The following ACCSL variants were observed in gnomAD, a reference collection of about 807,000 sequenced individuals.
ACCSL encodes 1-aminocyclopropane-1-carboxylate synthase homolog (inactive) like.
ACCSL carries 55 observed loss-of-function variants against 61.7 expected under a neutral mutation model. The observed-to-expected ratio is 0.89, with a 90% CI of 0.72 to 1.12. The LOEUF is 1.12. Among genes scored for constraint, ACCSL ranks in the 50% most tolerant of loss-of-function variants. The pLI is 0.00. For missense variants in ACCSL, 632 were observed against 698.0 expected, an observed-to-expected ratio of 0.91 and a Z score of 1.07; for synonymous variants, 258 against 264.3, an observed-to-expected ratio of 0.98 and a Z score of 0.23.
At chr11:44,056,451 A>G in intron 11 of ACCSL, 125 bp downstream of exon 11, 1 of 1,301,410 alleles carries the variant, frequency 7.7e-7, no homozygotes, top group Non-Finnish European at 1.0e-6. Flanking sequence ...CTCAGATTTA[A>G]CTGTGGTAAG....
At chr11:43,936,670 C>T in the ACCSL span, among the ~76,000 whole-genome samples, 20 of 152,164 alleles carry the variant, frequency 1.3e-4, no homozygotes, top group Non-Finnish European at 1.5e-5. Flanking sequence ...GAATCTAGGT[C>T]TGTGTTCTCC....
the ACCSL span, chr11:43,943,338 C>T: frequency 1.4e-6 from 2 of 1,409,484 alleles, no homozygotes; most frequent in South Asian, 1.6e-5. The surrounding 1 kb of genome is among the most constrained non-coding windows in gnomAD (Gnocchi z 4.8). Flanking sequence ...GTGTGAACCC[C>T]GAGAGTGCCC....
chr11:43,964,436 CAAAA>C, the ACCSL span, among the ~76,000 whole-genome samples: 4 of 77,170 alleles, frequency 5.2e-5, no homozygotes, highest in Non-Finnish European at 8.7e-5. Flanking sequence ...GACATTGTCT[CAAAA>C]AAAAAAAAAA....
the ACCSL span, among the ~76,000 whole-genome samples, chr11:43,947,449 A>G: frequency 6.6e-6 from 1 of 152,170 alleles, no homozygotes; most frequent in African/African-American, 2.4e-5. Context: ...CCAAGGTGGC[A>G]CGCAGCTCCA....
At chr11:43,980,427 C>G in the ACCSL span, among the ~76,000 whole-genome samples, 1 of 152,178 alleles carries the variant, frequency 6.6e-6, no homozygotes, top group African/African-American at 2.4e-5. Flanking sequence ...ATCACAGGAT[C>G]TTATCAGTCT....
At chr11:43,981,481 T>C in the ACCSL span, among the ~76,000 whole-genome samples, 25,074 of 152,184 alleles carry the variant, frequency 0.16, 2,273 homozygotes, top group African/African-American at 0.21. Context: ...AGTTTATCTT[T>C]TAAAAAAAGG....
the ACCSL span, among the ~76,000 whole-genome samples, chr11:44,008,945 T>C: frequency 7.8e-4 from 119 of 152,288 alleles, no homozygotes; most frequent in African/African-American, 2.5e-3. Context: ...GGTGTGCAGA[T>C]CATCTGAGGC....
At chr11:43,933,117 G>A in the ACCSL span, 1 of 456,260 alleles carries the variant, frequency 2.2e-6, no homozygotes, top group South Asian at 1.5e-5. Flanking sequence ...TTCCAAGGGA[G>A]AGACTTATAC....
At chr11:43,927,017 G>C in the ACCSL span, among the ~76,000 whole-genome samples, 46 of 152,310 alleles carry the variant, frequency 3.0e-4, no homozygotes, top group African/African-American at 1.1e-3. Flanking sequence ...CAGAGTGCTG[G>C]GACTACAGGC....
chr11:43,942,401 C>A, the ACCSL span: 1 of 207,442 alleles, frequency 4.8e-6, no homozygotes. Context: ...CAGCCGCGTG[C>A]TCCGGGGCCG....
chr11:44,042,572 C>G, the ACCSL span, among the ~76,000 whole-genome samples: 4 of 151,876 alleles, frequency 2.6e-5, no homozygotes, highest in African/African-American at 9.7e-5. Flanking sequence ...CTTGCCTCAG[C>G]CTCCCAAATG....
the ACCSL span, among the ~76,000 whole-genome samples, chr11:44,015,176 C>T: frequency 4.6e-5 from 7 of 152,320 alleles, no homozygotes; most frequent in South Asian, 1.4e-3. Context: ...TGACTACATA[C>T]CAAGTCCTTT....
chr11:43,973,068 C>A, the ACCSL span, among the ~76,000 whole-genome samples: 3 of 152,156 alleles, frequency 2.0e-5, no homozygotes. Flanking sequence ...CTCAATAATG[C>A]AAAAACACAA....
At chr11:44,043,136 G>A (rs1952583788), upstream of ACCSL, among the ~76,000 whole-genome samples, 1 of 152,100 alleles carries the variant, frequency 6.6e-6, no homozygotes, top group Admixed American at 6.6e-5. Flanking sequence ...GTTCGCTATA[G>A]CTACATTTTA....
intron 1 of ACCSL, among the ~76,000 whole-genome samples, 170 bp downstream of exon 1, chr11:44,048,710 C>T (rs867581126): frequency 2.0e-5 from 3 of 152,086 alleles, no homozygotes; most frequent in Admixed American, 6.5e-5. Context: ...AAGTGACATG[C>T]CCCAGAAAGT....
At chr11:43,959,062 C>G in the ACCSL span, among the ~76,000 whole-genome samples, 1 of 152,136 alleles carries the variant, frequency 6.6e-6, no homozygotes. Context: ...AGGTGGAGCC[C>G]TCATGATTTA....
At chr11:44,013,034 C>A in the ACCSL span, among the ~76,000 whole-genome samples, 1 of 152,146 alleles carries the variant, frequency 6.6e-6, no homozygotes, top group Non-Finnish European at 1.5e-5. Context: ...CTCATTAAAT[C>A]TGTGATATAT....
the ACCSL span, among the ~76,000 whole-genome samples, chr11:43,927,154 C>CTTAG: frequency 2.0e-5 from 3 of 152,216 alleles, no homozygotes; most frequent in African/African-American, 7.2e-5. Flanking sequence ...CCTTTTTCTA[C>CTTAG]TTAGGTACAT....
At chr11:43,999,651 C>T in the ACCSL span, among the ~76,000 whole-genome samples, 7 of 152,080 alleles carry the variant, frequency 4.6e-5, no homozygotes, top group African/African-American at 7.2e-5. Flanking sequence ...TGTATTCTGT[C>T]GGTTAGAAGC....
Sources: allele counts gnomAD v4.1 joint callset (sites outside exome capture counted in the v4.1 genomes callset), GRCh38; gene constraint gnomAD v4.1.1; non-coding constraint Gnocchi (gnomAD v3.1); transcripts MANE v1.5; gene names NCBI Gene and HGNC (gene_info 2026-07-23, HGNC 2026-07-21).